CEBPZ: variants seen among roughly 807,000 people sequenced by gnomAD.
The protein encoded by CEBPZ is CCAAT enhancer binding protein zeta, also known as CCAAT/enhancer-binding protein zeta.
In CEBPZ, 78 loss-of-function variants were observed where a neutral mutation model predicts 104.5. The ratio of observed to expected loss-of-function variants is 0.75; its 90% CI spans 0.62 to 0.90. The LOEUF (loss-of-function observed/expected upper bound fraction) is 0.90, where lower values mean the gene tolerates loss of function less well. CEBPZ is among the 40% of genes least tolerant of loss of function. The pLI is 0.00. For synonymous variants in CEBPZ, 470 were observed against 427.0 expected, an observed-to-expected ratio of 1.10 and a Z score of -1.24; for missense variants, 1,439 against 1,233.5, an observed-to-expected ratio of 1.17 and a Z score of -2.50.
At chr2:37,203,189 A>G (rs968173891) in intron 13 of CEBPZ, 181 bp from the exon 14 acceptor site, 76 of 436,094 alleles carry the variant, frequency 1.7e-4, no homozygotes, top group Non-Finnish European at 2.7e-4. Flanking sequence ...AATATTTTCA[A>G]AAAGCTAACA....
intron 13 of CEBPZ, among the ~76,000 whole-genome samples, chr2:37,208,431 A>G (rs1677610594): frequency 6.6e-6 from 1 of 152,214 alleles, no homozygotes; most frequent in Admixed American, 6.5e-5. Context: ...CAGCATATCA[A>G]AAAGATAATA....
chr2:37,218,531 C>T (rs1664691798), intron 5 of CEBPZ, among the ~76,000 whole-genome samples: 2 of 152,142 alleles, frequency 1.3e-5, no homozygotes, highest in Non-Finnish European at 2.9e-5. Context: ...GAATCTGAAA[C>T]CCATATTCAA....
At chr2:37,221,297 G>T (rs925168490) in intron 4 of CEBPZ, among the ~76,000 whole-genome samples, 1 of 152,090 alleles carries the variant, frequency 6.6e-6, no homozygotes, top group Non-Finnish European at 1.5e-5. Context: ...CCTGGCCTGG[G>T]TGACATAGTG....
rs770879268 is a variant in CEBPZ at position 37,216,433 on chromosome 2, G to C, written c.2209-15C>G. On this transcript the variant is annotated splice_polypyrimidine_tract_variant and intron_variant, in intron 6 of 15. Coordinates refer to ENST00000234170, the MANE Select transcript of CEBPZ (RefSeq NM_005760.3). Reference sequence around the variant, plus strand: ...ATATAGTTTCCCTGAAAAGTGGAGCGGGGATTTAAAAACTTAATTCAAATT... The same window carrying C: ...ATATAGTTTCCCTGAAAAGTGGAGCCGGGATTTAAAAACTTAATTCAAATT... The C allele has an allele frequency of 6.4e-7, 1 of 1,563,606 alleles. No homozygotes were observed.
intron 10 of CEBPZ, chr2:37,212,625 T>C: frequency 1.9e-6 from 1 of 531,442 alleles, no homozygotes; most frequent in Non-Finnish European, 3.3e-6. Context: ...TTCGGCTCTT[T>C]CTACAGTTCT....
intron 1 of CEBPZ, among the ~76,000 whole-genome samples, chr2:37,230,763 C>G (rs1665052449): frequency 6.6e-6 from 1 of 152,206 alleles, no homozygotes; most frequent in African/African-American, 2.4e-5. Flanking sequence ...AGGCACTCTT[C>G]TGCCTGTCTT....
Position 37,228,112 on chromosome 2 carries a change from T to C in CEBPZ, c.1081A>G (p.Thr361Ala), listed in dbSNP as rs754620331. 2.5e-6 allele frequency: 4 copies of C among 1,614,228 alleles called. No homozygotes were observed. Among genetic ancestry groups the C allele is most frequent in the Non-Finnish European group, 1.7e-6 (2 of 1,180,042 alleles). Residue 361 changes from threonine (T) to alanine (A), a missense_variant, in exon 2 of 16, where the codon ACT (threonine) becomes GCT (alanine). Transcript: ENST00000234170. Reference sequence around the variant, plus strand: ...GCCACGGTAAGGGCTCGAGTTTTAGTGGTTACTAATGTATCATGACTTAAA... The same window carrying C: ...GCCACGGTAAGGGCTCGAGTTTTAGCGGTTACTAATGTATCATGACTTAAA... ...ETLSHDTLVT[T>A]KTRALTVAHE... is the part of the protein sequence containing the mutation.
Position 37,228,452 on chromosome 2 carries a change from C to A in CEBPZ, c.741G>T (p.Arg247Ser). 6.2e-7 allele frequency: 1 copy of A among 1,614,180 alleles called. No individual in the cohort carries two copies. The highest frequency in any genetic ancestry group is 1.7e-5 in the Admixed American group (1 of 60,020). Residue 247 changes from arginine to serine, a missense_variant, in exon 2 of 16, where the codon AGG becomes AGT. Coordinates refer to ENST00000234170, the MANE Select transcript of CEBPZ (RefSeq NM_005760.3). ...AIVSSGTLGD[R>S]MAAMILLIQD... ...GAATAAGAAGAATCATGGCTGCCAT[C>A]CTGTCACCTAGTGTCCCCGATGACA...
intron 13 of CEBPZ, among the ~76,000 whole-genome samples, chr2:37,208,027 G>A (rs1677596556): frequency 6.6e-6 from 1 of 152,050 alleles, no homozygotes; most frequent in South Asian, 2.1e-4. Context: ...ACACCTTTAT[G>A]CACAAAAACT....
chr2:37,213,734 C>T (rs1032544726), intron 10 of CEBPZ, 130 bp downstream of exon 10: 11 of 625,036 alleles, frequency 1.8e-5, no homozygotes, highest in African/African-American at 1.6e-4. Flanking sequence ...CTTAATCTTC[C>T]ACTGTGATTT....
At chr2:37,204,185 T>G (rs1191931956) in intron 13 of CEBPZ, 1 of 152,222 alleles carries the variant, frequency 6.6e-6, no homozygotes, top group East Asian at 1.9e-4. Context: ...TAGGCACTTC[T>G]GTACTGTACT....
intron 9 of CEBPZ, 125 bp downstream of exon 9, chr2:37,214,761 A>C (rs1677827764): frequency 1.8e-6 from 1 of 545,204 alleles, no homozygotes; most frequent in Non-Finnish European, 3.3e-6. Flanking sequence ...CTAATGTTCC[A>C]TGGTCTATTT....
intron 1 of CEBPZ, chr2:37,231,170 A>T: frequency 1.5e-6 from 1 of 682,808 alleles, no homozygotes; most frequent in Non-Finnish European, 2.7e-6. Flanking sequence ...ACGTCAATAA[A>T]ATCAGAAGAT....
chr2:37,211,836 T>C lies in CEBPZ; in HGVS notation c.2800+7A>G. On this transcript the variant is annotated splice_region_variant and intron_variant, in intron 12 of 15. Coordinates refer to ENST00000234170, the MANE Select transcript of CEBPZ (RefSeq NM_005760.3). ...ACAGTTTATGTCTTATTTTAAAAAA[T>C]GCTTACCTGGAACGCTCTCACTTTC... is the stretch of plus-strand genomic sequence containing the variant. The C allele has an allele frequency of 6.4e-7, 1 of 1,573,260 alleles. No individual in the cohort carries two copies. The highest frequency in any genetic ancestry group is 8.6e-7 in the Non-Finnish European group (1 of 1,163,456).
chr2:37,210,898 G>T, intron 13 of CEBPZ, 101 bp downstream of exon 13: 1 of 667,558 alleles, frequency 1.5e-6, no homozygotes, highest in Non-Finnish European at 2.3e-6. Flanking sequence ...CCCCACCCCT[G>T]AATTTTATTA....
chr2:37,212,043 GAAA>G lies in CEBPZ; in HGVS notation c.2604-7_2604-5del. ...TTTTGTTCTCTTTTTCACGTTTCTG[GAAA>G]AAAACACAACTTGTAATACAAGAGG... is the stretch of plus-strand genomic sequence containing the variant. On this transcript the variant is annotated splice_polypyrimidine_tract_variant and splice_region_variant and intron_variant, in intron 11 of 15. Coordinates refer to ENST00000234170, the MANE Select transcript of CEBPZ (RefSeq NM_005760.3). 6.4e-7 allele frequency: 1 copy of G among 1,572,770 alleles called. No individual in the cohort carries two copies. Among genetic ancestry groups the G allele is most frequent in the Admixed American group, 2.0e-5 (1 of 49,558 alleles).
rs1458439236 is a variant in CEBPZ at position 37,225,857 on chromosome 2, C to G, written c.1649+1687G>C. On this transcript the variant is annotated intron_variant, in intron 2 of 15. Transcript: ENST00000234170. ...CAATGGAATGTCTCGGTATAAAACC[C>G]GATTGTATGCTCCATCTACTGAGAT... Among the ~76,000 whole-genome samples the G allele has an allele frequency of 2.5e-3, 226 of 89,232 alleles. 1 individual carries two copies. Among genetic ancestry groups the G allele is most frequent in the Non-Finnish European group, 4.0e-3 (180 of 45,000 alleles). 58.5% of individuals were successfully genotyped at this position (89,232 alleles called of 152,430 possible). A position where few individuals can be genotyped will look rare whatever the true frequency, so the allele number is the denominator to read the frequency against.
chr2:37,222,265 CAG>C, intron 4 of CEBPZ, 113 bp downstream of exon 4: 2 of 904,878 alleles, frequency 2.2e-6, no homozygotes, highest in Non-Finnish European at 3.1e-6. Flanking sequence ...GCCTGGGCAA[CAG>C]AGTGAGACTC....
rs747322619 is a variant in CEBPZ, at chr2:37,216,171, T to G, written c.2349A>C (p.Lys783Asn). 9 of 1,613,192 alleles carry G rather than the reference T, an allele frequency of 5.6e-6. No individual in the cohort carries two copies. The South Asian group carries it at 9.9e-5, about 18-fold the overall frequency. The stretch of plus-strand genomic sequence containing the variant: ...GATGACGAATATCCTTAATAAAATG[T>G]TTTCTTTTCGGCTGCATCACAACAC... Reference protein sequence around the residue: ...TDSVVMQPKRKHFIKDIRHLP... With the variant: ...TDSVVMQPKRNHFIKDIRHLP... Residue 783 changes from lysine to asparagine, a missense_variant, in exon 8 of 16, where the codon AAA becomes AAC. Physicochemically the swap from Lys to Asn is moderately conservative, Grantham distance 94 (BLOSUM62 0). Coordinates refer to ENST00000234170, the MANE Select transcript of CEBPZ (RefSeq NM_005760.3).
Sources: gnomAD v4.1 joint callset for allele counts (sites outside exome capture counted in the v4.1 genomes callset) on GRCh38, gnomAD v4.1.1 for gene constraint, MANE v1.5 for transcripts, NCBI Gene and HGNC (gene_info 2026-07-23, HGNC 2026-07-21) for gene names.